The following TBL1XR1 variants were observed in gnomAD, a reference collection of about 807,000 sequenced individuals.
TBL1XR1 encodes F-box-like/WD repeat-containing protein TBL1XR1.
Under a neutral mutation model 66.9 loss-of-function variants are expected in TBL1XR1, and 5 were observed. The observed-to-expected ratio is 0.07, with a 90% CI of 0.04 to 0.16. TBL1XR1 has a LOEUF of 0.16. Among genes scored for constraint, TBL1XR1 ranks in the 10% least tolerant of loss-of-function variants. The pLI, the probability that TBL1XR1 is intolerant of heterozygous loss-of-function variation, is 1.00. For missense variants in TBL1XR1, 238 were observed against 623.2 expected, an observed-to-expected ratio of 0.38 and a Z score of 6.58; for synonymous variants, 210 against 206.0, an observed-to-expected ratio of 1.02 and a Z score of -0.17.
chr3:177,178,400 T>G (rs115522351), intron 1 of TBL1XR1, among the ~76,000 whole-genome samples: 2 of 152,148 alleles, frequency 1.3e-5, no homozygotes, highest in Non-Finnish European at 2.9e-5. Flanking sequence ...CCCGGAAAAC[T>G]TGACTTTACA....
chr3:177,156,000 A>T (rs938047002), intron 1 of TBL1XR1, among the ~76,000 whole-genome samples: 1 of 151,792 alleles, frequency 6.6e-6, no homozygotes, highest in African/African-American at 2.4e-5. Context: ...CAAGAGTGAA[A>T]CTCCATCTCA....
intron 12 of TBL1XR1, chr3:177,037,683 T>C (rs1239788754): frequency 1.3e-5 from 2 of 157,652 alleles, no homozygotes; most frequent in East Asian, 1.9e-4. Context: ...CACACCTCCA[T>C]CTTTCATGGG....
intron 2 of TBL1XR1, among the ~76,000 whole-genome samples, chr3:177,076,771 G>A (rs1383902997): frequency 1.3e-5 from 2 of 152,132 alleles, no homozygotes; most frequent in East Asian, 3.9e-4. Context: ...TCAACACATG[G>A]GAAGAATCAA....
chr3:177,085,760 C>A (rs1016973333), intron 2 of TBL1XR1, among the ~76,000 whole-genome samples: 5 of 152,054 alleles, frequency 3.3e-5, no homozygotes, highest in Non-Finnish European at 7.4e-5. Flanking sequence ...TAACAAATAT[C>A]TTTAGCTCTC....
chr3:177,059,379 A>G (rs1015403259), intron 3 of TBL1XR1, among the ~76,000 whole-genome samples: 8 of 152,372 alleles, frequency 5.3e-5, no homozygotes, highest in South Asian at 2.1e-4. Flanking sequence ...TGAATGAGCT[A>G]TATGTTACAT....
At chr3:177,138,506 C>A (rs558440772) in intron 1 of TBL1XR1, among the ~76,000 whole-genome samples, 1 of 152,064 alleles carries the variant, frequency 6.6e-6, no homozygotes, top group South Asian at 2.1e-4. Flanking sequence ...GTGAGAGGAT[C>A]ACTTGAGCCT....
chr3:177,170,948 G>A (rs1733390942), intron 1 of TBL1XR1, among the ~76,000 whole-genome samples: 1 of 152,054 alleles, frequency 6.6e-6, no homozygotes, highest in Admixed American at 6.6e-5. Flanking sequence ...AACAATGCTG[G>A]CATGTAGCAA....
rs764951521 is a variant in TBL1XR1, at chr3:177,071,031, G to GTTTTTTTTTTTTTTTTTTTTTT, written c.-45-6010_-45-6009insAAAAAAAAAAAAAAAAAAAAAA. Reference sequence around the variant, plus strand: ...TGGAACAGACATGTTCTGAGAATCTGTTTTTTTTTTTTTTTTTGAGACAGA... The same window carrying GTTTTTTTTTTTTTTTTTTTTTT: ...TGGAACAGACATGTTCTGAGAATCTGTTTTTTTTTTTTTTTTTTTTTTTTTTTTTTTTTTTTTTTGAGACAGA... On this transcript the variant is annotated intron_variant, in intron 2 of 15. Coordinates refer to ENST00000457928, the MANE Select transcript of TBL1XR1 (RefSeq NM_024665.7). Among the ~76,000 whole-genome samples, 50 of 104,678 alleles carry GTTTTTTTTTTTTTTTTTTTTTT rather than the reference G, an allele frequency of 4.8e-4. 8 individuals carry two copies. The highest frequency in any genetic ancestry group is 1.9e-3 in the African/African-American group (48 of 25,838). The allele number at this position is 104,678 out of a possible 152,430, so 68.7% of individuals were successfully genotyped here. A position where few individuals can be genotyped will look rare whatever the true frequency, so the allele number is the denominator to read the frequency against.
At position 177,089,681 on chromosome 3, in the gene TBL1XR1, T is replaced by C. The variant is rs570879216; in HGVS notation, c.-46+8785A>G. Among the ~76,000 whole-genome samples, 7 of 152,258 alleles carry C rather than the reference T, an allele frequency of 4.6e-5. No individual in the cohort carries two copies. In the South Asian group the frequency reaches 1.4e-3, roughly 32 times the overall value. ...TATTCTTTGTGGAAGAGTCCTGTTGTTAAACCAAATTAATTTTTAGAAGTT... is the reference window on the plus strand; with the variant it reads ...TATTCTTTGTGGAAGAGTCCTGTTGCTAAACCAAATTAATTTTTAGAAGTT... On this transcript the variant is annotated intron_variant, in intron 2 of 15. Transcript: ENST00000457928.
At chr3:177,201,567 G>T (rs939286506), upstream of TBL1XR1, among the ~76,000 whole-genome samples, 5 of 151,956 alleles carry the variant, frequency 3.3e-5, no homozygotes, top group Admixed American at 3.3e-4. Flanking sequence ...TTCAATCCCA[G>T]GACTACAGGG....
At chr3:177,096,070 G>A (rs897034146) in intron 2 of TBL1XR1, among the ~76,000 whole-genome samples, 3 of 152,072 alleles carry the variant, frequency 2.0e-5, no homozygotes, top group Non-Finnish European at 2.9e-5. Context: ...AGGTAGTAGA[G>A]GTAACTGTAT....
intron 2 of TBL1XR1, among the ~76,000 whole-genome samples, chr3:177,088,029 C>T (rs566812102): frequency 3.3e-4 from 51 of 152,268 alleles, no homozygotes; most frequent in African/African-American, 1.1e-3. Context: ...TGCTCTCACA[C>T]TACTCTGTGT....
intron 1 of TBL1XR1, among the ~76,000 whole-genome samples, chr3:177,188,997 G>A (rs111647618): frequency 2.3e-4 from 35 of 150,546 alleles, no homozygotes; most frequent in African/African-American, 7.8e-4. Flanking sequence ...CACGAGGTCA[G>A]GGGTTCAAGA....
chr3:177,063,915 C>G (rs1231083627), intron 3 of TBL1XR1, among the ~76,000 whole-genome samples: 2 of 152,146 alleles, frequency 1.3e-5, no homozygotes, highest in Non-Finnish European at 2.9e-5. Context: ...TGAAGAACAG[C>G]TGGGAACATC....
At chr3:177,101,952 C>T (rs1430152821) in intron 1 of TBL1XR1, among the ~76,000 whole-genome samples, 1 of 151,666 alleles carries the variant, frequency 6.6e-6, no homozygotes, top group Non-Finnish European at 1.5e-5. Flanking sequence ...CTGTATTAAC[C>T]ATTAGAATTT....
intron 1 of TBL1XR1, chr3:177,136,111 C>G (rs1219625676): frequency 6.6e-6 from 1 of 151,868 alleles, no homozygotes; most frequent in Non-Finnish European, 1.5e-5. Context: ...GAGCCATATC[C>G]TTTTTTAATG....
chr3:177,121,295 A>G (rs1484825284), intron 1 of TBL1XR1, among the ~76,000 whole-genome samples: 1 of 152,228 alleles, frequency 6.6e-6, no homozygotes, highest in African/African-American at 2.4e-5. Context: ...ACTAAATTCA[A>G]CATATGCAGA....
At chr3:177,147,512 T>C (rs1224119520) in intron 1 of TBL1XR1, among the ~76,000 whole-genome samples, 2 of 152,190 alleles carry the variant, frequency 1.3e-5, no homozygotes, top group Admixed American at 1.3e-4. Context: ...GATTATTAAA[T>C]TAGTTTTACT....
chr3:177,194,256 T>C (rs1405037919), intron 1 of TBL1XR1: 1 of 152,242 alleles, frequency 6.6e-6, no homozygotes, highest in Non-Finnish European at 1.5e-5. Context: ...ACTACCAGAA[T>C]GTCTGAGCAT....
Sources: gnomAD v4.1 joint callset for allele counts (sites outside exome capture counted in the v4.1 genomes callset) on GRCh38, gnomAD v4.1.1 for gene constraint, MANE v1.5 for transcripts, NCBI Gene and HGNC (gene_info 2026-07-23, HGNC 2026-07-21) for gene names.